The following ARMC9 variants were observed in gnomAD, a reference collection of about 807,000 sequenced individuals.
ARMC9 encodes lisH domain-containing protein ARMC9.
Under a neutral mutation model 107.0 loss-of-function variants are expected in ARMC9, and 94 were observed. The ratio of observed to expected loss-of-function variants is 0.88; its 90% CI spans 0.74 to 1.04. ARMC9 has a LOEUF of 1.04. ARMC9 is among the 50% of genes least tolerant of loss of function. The pLI is 0.00. For missense variants in ARMC9, 942 were observed against 1,030.1 expected (o/e 0.91, Z 1.17); for synonymous variants, 380 against 396.9 (o/e 0.96, Z 0.51).
At chr2:231,341,058 G>A (rs552265557) in intron 20 of ARMC9, among the ~76,000 whole-genome samples, 24 of 152,250 alleles carry the variant, frequency 1.6e-4, no homozygotes, top group Non-Finnish European at 3.1e-4. Flanking sequence ...TAGCTATGGT[G>A]ACGCATGCCT....
chr2:231,353,840 A>G (rs1373164052), intron 21 of ARMC9, among the ~76,000 whole-genome samples: 1 of 152,070 alleles, frequency 6.6e-6, no homozygotes, highest in East Asian at 1.9e-4. Context: ...CACCCCTGCC[A>G]CAAGCATCAG....
In ARMC9 at chr2:231,262,380, C is replaced by A; in HGVS notation, c.1101C>A (p.Asp367Glu). 1 of 1,614,132 alleles carries A rather than the reference C, an allele frequency of 6.2e-7. No individual in the cohort carries two copies. Among genetic ancestry groups the A allele is most frequent in the Non-Finnish European group, 8.5e-7 (1 of 1,179,990 alleles). ...CCTACATCAGCAATGACCTCTTGGA[C>A]TGTTATAGCCACAACCAGGTTGGTA... ...LQAYISNDLL[D>E]CYSHNQRSVL... The change falls in exon 12 of 25, where the codon GAC becomes GAA. Residue 367 changes from aspartate (D) to glutamate (E), a missense_variant. Transcript: ENST00000611582.
At chr2:231,262,771 C>T (rs1272493654) in intron 12 of ARMC9, among the ~76,000 whole-genome samples, 1 of 152,152 alleles carries the variant, frequency 6.6e-6, no homozygotes, top group African/African-American at 2.4e-5. Flanking sequence ...TTCTTTAACA[C>T]AGTACTTTAC....
intron 20 of ARMC9, among the ~76,000 whole-genome samples, chr2:231,339,471 T>C (rs2044358252): frequency 6.6e-6 from 1 of 152,196 alleles, no homozygotes; most frequent in Non-Finnish European, 1.5e-5. Context: ...TGTCACTCTG[T>C]CACCCAGGCT....
intron 8 of ARMC9, among the ~76,000 whole-genome samples, chr2:231,238,243 C>T (rs1200651949): frequency 2.0e-5 from 3 of 151,540 alleles, no homozygotes; most frequent in South Asian, 2.1e-4. Context: ...GGGTAGAAGA[C>T]GGGAAAGGTA....
At chr2:231,321,941 A>G (rs2043019719) in intron 19 of ARMC9, among the ~76,000 whole-genome samples, 2 of 152,176 alleles carry the variant, frequency 1.3e-5, no homozygotes, top group Non-Finnish European at 2.9e-5. Context: ...TCATCTCCAC[A>G]TTTCTTGCTG....
At chr2:231,298,583 T>G (rs1326736987) in intron 19 of ARMC9, among the ~76,000 whole-genome samples, 1 of 152,216 alleles carries the variant, frequency 6.6e-6, no homozygotes, top group Non-Finnish European at 1.5e-5. Flanking sequence ...TCATTTAATA[T>G]TTAGACCCAA....
At chr2:231,238,129 A>G (rs879778985) in intron 8 of ARMC9, among the ~76,000 whole-genome samples, 2 of 152,054 alleles carry the variant, frequency 1.3e-5, no homozygotes, top group Non-Finnish European at 2.9e-5. Flanking sequence ...TTGAGACAGT[A>G]AATGCAAGCG....
rs1298161605 is a variant in ARMC9, at chr2:231,360,119, C to T, written c.2132-635C>T. Among the ~76,000 whole-genome samples, 1 of 152,018 alleles carries T rather than the reference C, an allele frequency of 6.6e-6. No homozygotes were observed. The highest frequency in any genetic ancestry group is 2.4e-5 in the African/African-American group (1 of 41,448). On this transcript the variant is annotated intron_variant, in intron 22 of 24. Coordinates refer to ENST00000611582, the MANE Select transcript of ARMC9 (RefSeq NM_001352754.2). The surrounding 1 kb of genome is among the most constrained non-coding windows in gnomAD (Gnocchi z 4.7). Reference sequence around the variant, plus strand: ...GATGCAGGAACATCTGTTCCCAGGCCCTTGGGGAGCCCTCCGTATGCTATG... The same window carrying T: ...GATGCAGGAACATCTGTTCCCAGGCTCTTGGGGAGCCCTCCGTATGCTATG...
At chr2:231,315,771 G>A (rs2042636661) in intron 19 of ARMC9, among the ~76,000 whole-genome samples, 1 of 152,008 alleles carries the variant, frequency 6.6e-6, no homozygotes, top group South Asian at 2.1e-4. Flanking sequence ...GTTTAATTCT[G>A]CCATTTGCTA....
At chr2:231,312,750 C>G (rs2042428722) in intron 19 of ARMC9, among the ~76,000 whole-genome samples, 2 of 152,130 alleles carry the variant, frequency 1.3e-5, no homozygotes, top group African/African-American at 2.4e-5. Context: ...TTACCACGCT[C>G]TATCCTCAGT....
At chr2:231,201,220 C>G (rs533138058) in intron 1 of ARMC9, among the ~76,000 whole-genome samples, 36 of 152,274 alleles carry the variant, frequency 2.4e-4, no homozygotes, top group African/African-American at 8.4e-4. Flanking sequence ...GAGGTGTCCT[C>G]CCTGCTCCTC....
chr2:231,307,831 A>G (rs2042118707), intron 19 of ARMC9, among the ~76,000 whole-genome samples: 1 of 152,256 alleles, frequency 6.6e-6, no homozygotes, highest in Non-Finnish European at 1.5e-5. Flanking sequence ...GAAGTCTTTC[A>G]AAAGGAACTT....
chr2:231,366,627 G>A (rs888841861), intron 23 of ARMC9, among the ~76,000 whole-genome samples: 2 of 151,968 alleles, frequency 1.3e-5, no homozygotes, highest in Non-Finnish European at 2.9e-5. Flanking sequence ...TGGATCACGA[G>A]GTCAGGAGAT....
At chr2:231,303,975 T>G (rs572993762) in intron 19 of ARMC9, among the ~76,000 whole-genome samples, 24 of 151,858 alleles carry the variant, frequency 1.6e-4, no homozygotes, top group Non-Finnish European at 5.9e-5. Flanking sequence ...CTCACGCCTG[T>G]AATCTCAGCA....
chr2:231,321,704 CTCTT>C (rs1161096630), intron 19 of ARMC9, among the ~76,000 whole-genome samples: 6 of 152,092 alleles, frequency 3.9e-5, no homozygotes, highest in African/African-American at 1.4e-4. Context: ...CCTGAGCACA[CTCTT>C]AGGATCCTGT....
chr2:231,331,531 G>T (rs2043735870), intron 19 of ARMC9, among the ~76,000 whole-genome samples: 1 of 152,138 alleles, frequency 6.6e-6, no homozygotes. Flanking sequence ...GAGCCTTCTG[G>T]AACCTCCGCA....
intron 14 of ARMC9, 59 bp from the exon 15 acceptor site, chr2:231,276,577 T>A (rs1031170707): frequency 1.6e-5 from 25 of 1,608,370 alleles, no homozygotes; most frequent in Non-Finnish European, 2.1e-5. Flanking sequence ...GCCTACTGTT[T>A]CCTCTTATAT....
intron 19 of ARMC9, among the ~76,000 whole-genome samples, chr2:231,309,695 C>T (rs1559441802): frequency 6.6e-6 from 1 of 151,880 alleles, no homozygotes; most frequent in African/African-American, 2.4e-5. Flanking sequence ...GGAAGGACAA[C>T]AGGCCATATA....
Sources: allele counts gnomAD v4.1 joint callset (sites outside exome capture counted in the v4.1 genomes callset), GRCh38; gene constraint gnomAD v4.1.1; non-coding constraint Gnocchi (gnomAD v3.1); transcripts MANE v1.5; gene names NCBI Gene and HGNC (gene_info 2026-07-23, HGNC 2026-07-21).